IRAG1: variants seen among roughly 807,000 people sequenced by gnomAD.
IRAG1 encodes the protein IP3R-associated cGMP kinase substrate.
In IRAG1, 62 loss-of-function variants were observed where a neutral mutation model predicts 106.2. The observed-to-expected ratio is 0.58, with a 90% CI of 0.48 to 0.72. The LOEUF is 0.72. IRAG1 is among the 30% of genes least tolerant of loss of function. The probability of loss-of-function intolerance (pLI) is 0.00; values close to 1 mark genes in which losing one functional copy is unlikely to be tolerated. For synonymous variants in IRAG1, 462 were observed against 443.9 expected (o/e 1.04, Z -0.51); for missense variants, 1,064 against 1,140.7 (o/e 0.93, Z 0.97).
intron 10 of IRAG1, among the ~76,000 whole-genome samples, chr11:10,621,541 C>T (rs1053732535): frequency 2.0e-5 from 3 of 152,198 alleles, no homozygotes; most frequent in Non-Finnish European, 4.4e-5. Context: ...CTCCCCAACA[C>T]GCTGGCCTCC....
Position 10,576,103 on chromosome 11 carries a change from T to G in IRAG1, c.*229A>C. ...AATAGAGTTCCTTGGTGAAGGTGAC[T>G]TCTTCATCCACTGGATGCTTTCCCA... On this transcript the variant is annotated 3_prime_UTR_variant, in exon 21 of 21. Coordinates refer to ENST00000423302, the MANE Select transcript of IRAG1 (RefSeq NM_130385.4). The G allele has an allele frequency of 1.8e-6, 1 of 560,382 alleles. No homozygotes were observed. The allele number at this position is 560,382 out of a possible 1,614,324, so 34.7% of individuals were successfully genotyped here. A position where few individuals can be genotyped will look rare whatever the true frequency, so the allele number is the denominator to read the frequency against.
At chr11:10,619,788 G>A (rs1163931539) in intron 10 of IRAG1, among the ~76,000 whole-genome samples, 1 of 152,202 alleles carries the variant, frequency 6.6e-6, no homozygotes, top group African/African-American at 2.4e-5. Context: ...CCAAGGCTAT[G>A]CAGCTGGTAA....
At chr11:10,631,128 T>G (rs765643042) in intron 4 of IRAG1, among the ~76,000 whole-genome samples, 7 of 152,154 alleles carry the variant, frequency 4.6e-5, no homozygotes, top group Non-Finnish European at 8.8e-5. Context: ...AATGGGACAA[T>G]TGCTAATAAC....
chr11:10,629,520 T>A lies in IRAG1; in HGVS notation c.574+18A>T. 6.2e-7 allele frequency: 1 copy of A among 1,608,732 alleles called. No homozygotes were observed. Among genetic ancestry groups the A allele is most frequent in the Middle Eastern group, 1.8e-4 (1 of 5,456 alleles). On this transcript the variant is annotated intron_variant, in intron 5 of 20. Transcript: ENST00000423302. ...TAGAGGGGCTCAGGGCAGCCACCTG[T>A]ACATCCTGCCACCCTACCTGATGGG...
At chr11:10,608,499 A>G (rs916793123) in intron 11 of IRAG1, among the ~76,000 whole-genome samples, 1 of 152,080 alleles carries the variant, frequency 6.6e-6, no homozygotes, top group Admixed American at 6.5e-5. Context: ...GAGAAGTATG[A>G]TTTAGGCAGA....
chr11:10,603,259 G>A lies in IRAG1; in HGVS notation c.1744-8C>T, dbSNP rs16908026. The A allele has an allele frequency of 3.0e-3, 4,838 of 1,613,342 alleles. 155 individuals are homozygous for A. In the African/African-American group the frequency reaches 0.058, roughly 19 times the overall value. Reference sequence around the variant, plus strand: ...CCAGAGTGAAGCTGAGGACTGAACAGGAGTAGGAGCATCACCTGGGGTCCT... The same window carrying A: ...CCAGAGTGAAGCTGAGGACTGAACAAGAGTAGGAGCATCACCTGGGGTCCT... On this transcript the variant is annotated splice_polypyrimidine_tract_variant and splice_region_variant and intron_variant, in intron 13 of 20. Coordinates refer to ENST00000423302, the MANE Select transcript of IRAG1 (RefSeq NM_130385.4).
At chr11:10,634,561 C>T (rs541126501) in intron 2 of IRAG1, among the ~76,000 whole-genome samples, 10 of 152,310 alleles carry the variant, frequency 6.6e-5, no homozygotes, top group African/African-American at 2.4e-4. Context: ...CTCCCACCCC[C>T]AGTCACTGGC....
At chr11:10,685,882 G>T (rs1861630050) in intron 1 of IRAG1, among the ~76,000 whole-genome samples, 1 of 152,100 alleles carries the variant, frequency 6.6e-6, no homozygotes, top group Non-Finnish European at 1.5e-5. Context: ...GATGCTCCTT[G>T]GGGAAGTCTC....
chr11:10,664,449 G>A (rs1322736369), intron 1 of IRAG1, among the ~76,000 whole-genome samples: 1 of 152,312 alleles, frequency 6.6e-6, no homozygotes, highest in African/African-American at 2.4e-5. Flanking sequence ...AGGGCCTTGT[G>A]GGGAGTGAAG....
chr11:10,685,595 C>T lies in IRAG1; in HGVS notation c.67+7941G>A, dbSNP rs118113421. Among the ~76,000 whole-genome samples, 1,492 of 151,906 alleles carry T rather than the reference C, an allele frequency of 9.8e-3. 15 individuals are homozygous for T. Among genetic ancestry groups the T allele is most frequent in the Non-Finnish European group, 0.015 (1,005 of 67,960 alleles). On this transcript the variant is annotated intron_variant, in intron 1 of 20. Coordinates refer to ENST00000423302, the MANE Select transcript of IRAG1 (RefSeq NM_130385.4). ...CATTAGCCAGGTGAGGTAGTATATG[C>T]CTGTAGTCCTAGCTACTTGGGAGGC...
chr11:10,634,166 AGAGCCATCTT>A, intron 2 of IRAG1, 95 bp from the exon 3 acceptor site: 1 of 645,832 alleles, frequency 1.5e-6, no homozygotes. Flanking sequence ...CATGATGCTC[AGAGCCATCTT>A]GATAAGGGGA....
chr11:10,685,657 C>G (rs4910168), intron 1 of IRAG1, among the ~76,000 whole-genome samples: 110,454 of 150,886 alleles, frequency 0.73, 40,638 homozygotes, highest in East Asian at 0.87. Context: ...GGAGGTCAAG[C>G]CTGCAAGTCA....
intron 1 of IRAG1, among the ~76,000 whole-genome samples, chr11:10,673,875 A>G (rs1860444618): frequency 6.6e-6 from 1 of 152,148 alleles, no homozygotes. Context: ...AAAGAGATAG[A>G]TTATGTGTCT....
At chr11:10,577,797 A>C (rs1564885794) in intron 20 of IRAG1, among the ~76,000 whole-genome samples, 1 of 152,202 alleles carries the variant, frequency 6.6e-6, no homozygotes, top group Non-Finnish European at 1.5e-5. Flanking sequence ...GAGAACATTG[A>C]CAGGTTTCCG....
chr11:10,576,834 G>A (rs892639558), intron 20 of IRAG1, among the ~76,000 whole-genome samples: 1 of 152,182 alleles, frequency 6.6e-6, no homozygotes, highest in Non-Finnish European at 1.5e-5. Flanking sequence ...CAGCCTTGAA[G>A]TTGAGAGCTA....
chr11:10,660,990 C>CAATG (rs1459109693), intron 1 of IRAG1, among the ~76,000 whole-genome samples: 1 of 152,226 alleles, frequency 6.6e-6, no homozygotes, highest in African/African-American at 2.4e-5. Flanking sequence ...TGGTCCCTTC[C>CAATG]AATGACCCTC....
chr11:10,651,702 T>C (rs1219634387), intron 2 of IRAG1, among the ~76,000 whole-genome samples: 1 of 152,264 alleles, frequency 6.6e-6, no homozygotes, highest in Non-Finnish European at 1.5e-5. Context: ...TAAGAGGTTC[T>C]CAGTGCTAAT....
At chr11:10,608,833 G>A (rs1034490626) in intron 11 of IRAG1, among the ~76,000 whole-genome samples, 19 of 152,050 alleles carry the variant, frequency 1.2e-4, no homozygotes, top group African/African-American at 4.6e-4. Flanking sequence ...TTTTTATTTT[G>A]AGGAAGTACT....
At chr11:10,610,165 A>G (rs16908041) in intron 10 of IRAG1, among the ~76,000 whole-genome samples, 2,604 of 152,300 alleles carry the variant, frequency 0.017, 79 homozygotes, top group African/African-American at 0.06. Flanking sequence ...TAAGCTGGCA[A>G]TTGGAAGCTG....
Sources: gnomAD v4.1 joint callset for allele counts (sites outside exome capture counted in the v4.1 genomes callset) on GRCh38, gnomAD v4.1.1 for gene constraint, MANE v1.5 for transcripts, NCBI Gene and HGNC (gene_info 2026-07-23, HGNC 2026-07-21) for gene names.